CUX1: variants seen among roughly 807,000 people sequenced by gnomAD.
CUX1 encodes cut like homeobox 1, also known as protein CASP.
A neutral mutation model predicts 158.8 loss-of-function variants in CUX1; 31 were observed. The ratio of observed to expected loss-of-function variants is 0.20; its 90% CI spans 0.15 to 0.26. The LOEUF (loss-of-function observed/expected upper bound fraction) is 0.26, where lower values mean the gene tolerates loss of function less well. Ranked by LOEUF, CUX1 falls within the 10% of genes least tolerant of loss-of-function variation. CUX1 has a pLI of 1.00. For synonymous variants in CUX1, 879 were observed against 862.1 expected, an observed-to-expected ratio of 1.02 and a Z score of -0.34; for missense variants, 1,589 against 2,014.6, an observed-to-expected ratio of 0.79 and a Z score of 4.04.
intron 20 of CUX1, among the ~76,000 whole-genome samples, chr7:102,216,667 ACT>A (rs781863837): frequency 0.039 from 1,759 of 44,556 alleles, 32 homozygotes; most frequent in South Asian, 0.087. Flanking sequence ...TCCCACACAC[ACT>A]CACACACACA....
intron 15 of CUX1, 103 bp downstream of exon 15, chr7:102,197,408 G>C: frequency 7.5e-7 from 1 of 1,333,262 alleles, no homozygotes; most frequent in Non-Finnish European, 1.1e-6. Flanking sequence ...TGAAACATTT[G>C]TGCATCACAT....
chr7:101,876,750 T>TAC (rs971146517), intron 1 of CUX1, among the ~76,000 whole-genome samples: 3 of 152,006 alleles, frequency 2.0e-5, no homozygotes, highest in African/African-American at 4.8e-5. Context: ...AATATATATA[T>TAC]ACACACACAC....
rs559306373 is a variant in CUX1, at chr7:101,820,726, T to C, written c.30+3057T>C. On this transcript the variant is annotated intron_variant, in intron 1 of 23. Coordinates refer to ENST00000292535, the MANE Select transcript of CUX1 (RefSeq NM_181552.4). ...TGTTTAAACCAGACCCTTAATCTTA[T>C]TTTAACATATTTAAAATGTTCACAA... Among the ~76,000 whole-genome samples the C allele has an allele frequency of 3.0e-4, 45 of 152,360 alleles. No individual in the cohort carries two copies. The East Asian group carries it at 8.5e-3, about 29-fold the overall frequency.
intron 22 of CUX1, among the ~76,000 whole-genome samples, chr7:102,238,723 T>C (rs1239392823): frequency 6.6e-6 from 1 of 152,090 alleles, no homozygotes; most frequent in African/African-American, 2.4e-5. Context: ...CCACCCCACT[T>C]TTCACTCTGC....
chr7:101,988,222 G>A (rs934073202), intron 2 of CUX1, among the ~76,000 whole-genome samples: 9 of 134,774 alleles, frequency 6.7e-5, no homozygotes, highest in African/African-American at 2.4e-4. Context: ...AAAAAAAAAA[G>A]AAGAAGAAGC....
rs1554520516 is a variant in CUX1 at position 102,204,434 on chromosome 7, G to A, written c.2951G>A (p.Arg984Gln). ...SQGSVSDMLS[R>Q]PKPWSKLTQK... ...GGCAGCGTCAGCGACATGCTGTCCC[G>A]ACCGAAGCCATGGAGCAAGCTGACG... is the stretch of plus-strand genomic sequence containing the variant. The change falls in exon 19 of 24, where the codon CGA becomes CAA. Residue 984 changes from arginine to glutamine, a missense_variant. This residue lies in a region of CUX1 where 29 missense variants were observed against 66.6 expected (regional missense o/e 0.44). Coordinates refer to ENST00000292535, the MANE Select transcript of CUX1 (RefSeq NM_181552.4). 3.7e-6 allele frequency: 6 copies of A among 1,613,538 alleles called. No homozygotes were observed. Among genetic ancestry groups the A allele is most frequent in the African/African-American group, 1.3e-5 (1 of 74,928 alleles).
chr7:101,822,834 G>A (rs1792821166), intron 1 of CUX1, among the ~76,000 whole-genome samples: 1 of 151,736 alleles, frequency 6.6e-6, no homozygotes, highest in Non-Finnish European at 1.5e-5. Flanking sequence ...CCAGGAGGTG[G>A]AGGTTGCAGT....
rs557652100 is a variant in CUX1 at position 101,999,881 on chromosome 7, C to T, written c.142-28217C>T. Reference sequence around the variant, plus strand: ...AGGGCCTGGTTTTATCAGTGGCATGCGTGCGTGTGTGTGTGCGTGTGTGTG... The same window carrying T: ...AGGGCCTGGTTTTATCAGTGGCATGTGTGCGTGTGTGTGTGCGTGTGTGTG... On this transcript the variant is annotated intron_variant, in intron 2 of 23. Transcript: ENST00000292535. Among the ~76,000 whole-genome samples, 63 of 151,974 alleles carry T rather than the reference C, an allele frequency of 4.1e-4. No individual in the cohort carries two copies. The South Asian group carries it at 0.011, about 27-fold the overall frequency.
intron 2 of CUX1, among the ~76,000 whole-genome samples, chr7:101,999,037 C>T (rs10808118): frequency 0.41 from 61,732 of 151,586 alleles, 12,802 homozygotes; most frequent in East Asian, 0.61. Context: ...TGGCCTCCAT[C>T]GTGCCACCAG....
At chr7:102,029,280 A>G (rs927973333) in intron 3 of CUX1, among the ~76,000 whole-genome samples, 1 of 152,148 alleles carries the variant, frequency 6.6e-6, no homozygotes, top group Non-Finnish European at 1.5e-5. Context: ...GATGTGAGCC[A>G]CTGTGCCTGG....
At position 101,853,582 on chromosome 7, in the gene CUX1, A is replaced by AGG. The variant is rs34093314; in HGVS notation, c.30+35915_30+35916dup. Among the ~76,000 whole-genome samples, 889 of 109,752 alleles carry AGG rather than the reference A, an allele frequency of 8.1e-3. 8 individuals are homozygous for AGG. Among genetic ancestry groups the AGG allele is most frequent in the African/African-American group, 0.034 (778 of 22,718 alleles). 72.0% of individuals were successfully genotyped at this position (109,752 alleles called of 152,430 possible). A position where few individuals can be genotyped will look rare whatever the true frequency, so the allele number is the denominator to read the frequency against. On this transcript the variant is annotated intron_variant, in intron 1 of 23. Transcript: ENST00000292535. ...CATATATCAGAGCATGGCAATAGAA[A>AGG]GGGTGTGTGTGTGTGTGTGTGTGTG...
chr7:101,891,556 G>A (rs1394751841), intron 1 of CUX1, among the ~76,000 whole-genome samples: 1 of 152,170 alleles, frequency 6.6e-6, no homozygotes, highest in Non-Finnish European at 1.5e-5. Flanking sequence ...CTTAATGATC[G>A]GGGTTTACTT....
intron 6 of CUX1, among the ~76,000 whole-genome samples, chr7:102,104,894 A>C (rs944769285): frequency 6.6e-6 from 1 of 152,160 alleles, no homozygotes; most frequent in Non-Finnish European, 1.5e-5. Context: ...TCCATCTCCA[A>C]AAAAAGATAT....
chr7:102,269,837 C>T (rs1427372973), intron 14 of CUX1, among the ~76,000 whole-genome samples: 1 of 152,200 alleles, frequency 6.6e-6, no homozygotes, highest in Non-Finnish European at 1.5e-5. Context: ...CAAACGCTTC[C>T]AAGCTCTGAC....
intron 2 of CUX1, among the ~76,000 whole-genome samples, chr7:102,011,205 T>A (rs1289365945): frequency 6.6e-6 from 1 of 152,168 alleles, no homozygotes; most frequent in Non-Finnish European, 1.5e-5. Context: ...GTATGGTGTA[T>A]TCATGCCAAG....
At position 102,069,091 on chromosome 7, in the gene CUX1, T is replaced by G. The variant is rs145281730; in HGVS notation, c.190-1248T>G. 6.0e-3 allele frequency among the ~76,000 whole-genome samples: 919 copies of G among 152,224 alleles called. 9 individuals are homozygous for G. Among genetic ancestry groups the G allele is most frequent in the African/African-American group, 0.021 (884 of 41,540 alleles). On this transcript the variant is annotated intron_variant, in intron 3 of 23. Transcript: ENST00000292535. Reference sequence around the variant, plus strand: ...ACGTCAACTGTGTGTGTCGCTGATCTCTCCAGCCGCCCTCTCCTCCTCCTC... The same window carrying G: ...ACGTCAACTGTGTGTGTCGCTGATCGCTCCAGCCGCCCTCTCCTCCTCCTC...
chr7:101,987,281 G>A (rs1460622923), intron 2 of CUX1, among the ~76,000 whole-genome samples: 1 of 152,198 alleles, frequency 6.6e-6, no homozygotes, highest in Non-Finnish European at 1.5e-5. Context: ...GTAAACAGAG[G>A]CGCTCCTCTT....
At chr7:102,282,944 C>G in intron 22 of CUX1, 1 of 1,070,332 alleles carries the variant, frequency 9.3e-7, no homozygotes, top group Non-Finnish European at 1.4e-6. Flanking sequence ...CCCCCTAGCC[C>G]CACCCCATCA....
At position 101,869,413 on chromosome 7, in the gene CUX1, G is replaced by A. The variant is rs191822428; in HGVS notation, c.31-46702G>A. On this transcript the variant is annotated intron_variant, in intron 1 of 23. Coordinates refer to ENST00000292535, the MANE Select transcript of CUX1 (RefSeq NM_181552.4). This position sits in a 1 kb window ranked among gnomAD's most constrained non-coding sequence, Gnocchi z 4.5. ...CGTGGACTGAACACAAGAGGTTGAG[G>A]GGAAAGGTCGGAATTGGCCACAGGT... Among the ~76,000 whole-genome samples, 2 of 152,356 alleles carry A rather than the reference G, an allele frequency of 1.3e-5. No individual in the cohort carries two copies. Among genetic ancestry groups the A allele is most frequent in the African/African-American group, 4.8e-5 (2 of 41,578 alleles).
Sources: allele counts gnomAD v4.1 joint callset (sites outside exome capture counted in the v4.1 genomes callset), GRCh38; gene constraint gnomAD v4.1.1; regional missense constraint gnomAD v4.1.1; non-coding constraint Gnocchi (gnomAD v3.1); transcripts MANE v1.5; gene names NCBI Gene and HGNC (gene_info 2026-07-23, HGNC 2026-07-21).